CDH13: variants seen among roughly 807,000 people sequenced by gnomAD.
The protein encoded by CDH13 is cadherin-13.
In CDH13, 24 loss-of-function variants were observed where a neutral mutation model predicts 63.8. The observed-to-expected ratio is 0.38, with a 90% CI of 0.27 to 0.53. The LOEUF (loss-of-function observed/expected upper bound fraction) is 0.53, where lower values mean the gene tolerates loss of function less well. Ranked by LOEUF, CDH13 falls within the 20% of genes least tolerant of loss-of-function variation. The pLI, the probability that CDH13 is intolerant of heterozygous loss-of-function variation, is 0.85. For missense variants in CDH13, 1,049 were observed against 903.1 expected (o/e 1.16, Z -2.07); for synonymous variants, 503 against 355.3 (o/e 1.42, Z -4.67).
chr16:83,503,188 G>C (rs1222201146), intron 7 of CDH13, among the ~76,000 whole-genome samples: 1 of 152,226 alleles, frequency 6.6e-6, no homozygotes, highest in Non-Finnish European at 1.5e-5. Flanking sequence ...GTAGATTCAA[G>C]TAGTGTTGAG....
intron 1 of CDH13, among the ~76,000 whole-genome samples, chr16:82,745,020 G>C (rs1489727917): frequency 6.6e-6 from 1 of 152,166 alleles, no homozygotes; most frequent in Admixed American, 6.5e-5. Flanking sequence ...ATTTTGAGAA[G>C]TGACTTTTTG....
intron 3 of CDH13, among the ~76,000 whole-genome samples, chr16:83,103,539 C>G (rs886626919): frequency 4.6e-5 from 7 of 152,144 alleles, no homozygotes; most frequent in African/African-American, 1.4e-4. Flanking sequence ...AGCCACCGTG[C>G]CCGGCTAATT....
intron 6 of CDH13, among the ~76,000 whole-genome samples, chr16:83,414,242 A>T (rs574654843): frequency 7.7e-4 from 117 of 152,294 alleles, no homozygotes; most frequent in African/African-American, 2.7e-3. Flanking sequence ...TTTTTGTCGT[A>T]GCAGTTGTTG....
At chr16:83,195,921 G>A (rs1057030797) in intron 4 of CDH13, among the ~76,000 whole-genome samples, 1 of 152,118 alleles carries the variant, frequency 6.6e-6, no homozygotes, top group Non-Finnish European at 1.5e-5. Context: ...CTGAAGGCAA[G>A]AAATGAACCT....
intron 4 of CDH13, among the ~76,000 whole-genome samples, chr16:83,143,230 C>G (rs570477523): frequency 2.1e-4 from 32 of 152,194 alleles, no homozygotes; most frequent in Non-Finnish European, 4.0e-4. Context: ...ATATTTTAAA[C>G]TTGGATATAG....
At chr16:82,986,515 TA>T (rs1910957519) in intron 2 of CDH13, among the ~76,000 whole-genome samples, 1 of 152,216 alleles carries the variant, frequency 6.6e-6, no homozygotes, top group African/African-American at 2.4e-5. Context: ...AGCAAGCTTT[TA>T]TTTCTGGTGT....
chr16:82,981,178 G>C (rs1429561181), intron 2 of CDH13, among the ~76,000 whole-genome samples: 1 of 152,168 alleles, frequency 6.6e-6, no homozygotes, highest in Non-Finnish European at 1.5e-5. Context: ...TATTCAAAAG[G>C]AGGGCAATAG....
chr16:82,763,272 C>G (rs944159673), intron 1 of CDH13, among the ~76,000 whole-genome samples: 2 of 152,224 alleles, frequency 1.3e-5, no homozygotes, highest in East Asian at 3.9e-4. Flanking sequence ...TCCTATCACT[C>G]TCTGTCCCTT....
At chr16:83,592,927 C>T (rs566337154) in intron 7 of CDH13, among the ~76,000 whole-genome samples, 15 of 152,272 alleles carry the variant, frequency 9.9e-5, no homozygotes, top group Middle Eastern at 3.4e-3. Flanking sequence ...GAACATCGCT[C>T]GACCTCTGCA....
rs536727492 is a variant in CDH13, at chr16:82,937,908, G to A, written c.157+79435G>A. Among the ~76,000 whole-genome samples, 6 of 152,250 alleles carry A rather than the reference G, an allele frequency of 3.9e-5. No individual in the cohort carries two copies. In the South Asian group the frequency reaches 6.2e-4, roughly 16 times the overall value. ...TGGAGGTAAAAATATTTTTAAAGAC[G>A]TATAATATAAAAGGACAGTAATTGG... is the stretch of plus-strand genomic sequence containing the variant. On this transcript the variant is annotated intron_variant, in intron 2 of 13. Transcript: ENST00000567109.
chr16:83,486,334 C>A (rs891144006), intron 6 of CDH13, 143 bp from the exon 7 acceptor site: 25 of 588,818 alleles, frequency 4.2e-5, no homozygotes, highest in Middle Eastern at 9.3e-4. Context: ...TGAAACATAG[C>A]AAAGCTTGGG....
chr16:82,940,115 C>T (rs536813451), intron 2 of CDH13, among the ~76,000 whole-genome samples: 1 of 152,156 alleles, frequency 6.6e-6, no homozygotes, highest in African/African-American at 2.4e-5. Context: ...AATTATTTCC[C>T]ACCAGGTCCC....
intron 7 of CDH13, among the ~76,000 whole-genome samples, chr16:83,501,973 A>C (rs2074293756): frequency 6.6e-6 from 1 of 152,182 alleles, no homozygotes; most frequent in Admixed American, 6.5e-5. Context: ...ACAAATGTGA[A>C]TCTGTGAATC....
intron 1 of CDH13, chr16:82,719,298 G>A: frequency 2.2e-6 from 1 of 451,608 alleles, no homozygotes; most frequent in Non-Finnish European, 4.4e-6. Context: ...GACAGGTGGT[G>A]TGGAGATGCA....
chr16:83,748,084 T>A (rs748677685), intron 10 of CDH13, 24 bp from the exon 11 acceptor site: 41 of 1,613,640 alleles, frequency 2.5e-5, no homozygotes, highest in Non-Finnish European at 3.4e-5. Flanking sequence ...ATGCAGAGTC[T>A]GACATTGTGG....
rs146081251 is a variant in CDH13, at chr16:82,937,752, T to G, written c.157+79279T>G. 4.5e-3 allele frequency among the ~76,000 whole-genome samples: 692 copies of G among 152,364 alleles called. 6 individuals carry two copies. Among genetic ancestry groups the G allele is most frequent in the African/African-American group, 0.016 (652 of 41,584 alleles). ...GAATCAAGCGTCCATAATATCTGTT[T>G]GTCCACATATAACCTATTTTATAGC... is the stretch of plus-strand genomic sequence containing the variant. On this transcript the variant is annotated intron_variant, in intron 2 of 13. Coordinates refer to ENST00000567109, the MANE Select transcript of CDH13 (RefSeq NM_001257.5).
At chr16:83,605,359 C>T (rs1567800063) in intron 8 of CDH13, among the ~76,000 whole-genome samples, 1 of 152,160 alleles carries the variant, frequency 6.6e-6, no homozygotes. Context: ...TCCTGAAAGG[C>T]TGATGTTCTT....
intron 2 of CDH13, among the ~76,000 whole-genome samples, chr16:83,010,135 C>CAAAAAAAAAAA (rs67985333): frequency 0.024 from 1,202 of 49,978 alleles, 103 homozygotes; most frequent in Non-Finnish European, 0.027. Context: ...AACTCTGTCT[C>CAAAAAAAAAAA]AAAAAAAAAA....
Position 83,507,978 on chromosome 16 carries a change from G to A in CDH13, c.960+21323G>A, listed in dbSNP as rs2074442140. Among the ~76,000 whole-genome samples the A allele has an allele frequency of 2.7e-5, 4 of 150,898 alleles. No homozygotes were observed. In the South Asian group the frequency reaches 8.5e-4, roughly 32 times the overall value. On this transcript the variant is annotated intron_variant, in intron 7 of 13. Transcript: ENST00000567109. ...AACCGGGAGGCAGAGGGTGCAGTGA[G>A]CCGAGATCGCGCCACTGCACTCCAG...
Sources: gnomAD v4.1 joint callset for allele counts (sites outside exome capture counted in the v4.1 genomes callset) on GRCh38, gnomAD v4.1.1 for gene constraint, MANE v1.5 for transcripts, NCBI Gene and HGNC (gene_info 2026-07-23, HGNC 2026-07-21) for gene names.